Variants in TSPAN2 observed in about 807,000 individuals in gnomAD.
The protein encoded by TSPAN2 is tetraspanin 2, also known as tetraspanin-2.
TSPAN2 carries 24 observed loss-of-function variants against 33.3 expected under a neutral mutation model. That is an observed-to-expected ratio of 0.72 (90% CI 0.52 to 1.01). TSPAN2 has a LOEUF of 1.01. TSPAN2 is among the 50% of genes least tolerant of loss of function. The pLI is 0.00. For synonymous variants in TSPAN2, 114 were observed against 104.5 expected, an observed-to-expected ratio of 1.09 and a Z score of -0.56; for missense variants, 278 against 281.3, an observed-to-expected ratio of 0.99 and a Z score of 0.08.
At chr1:115,059,068 A>C in intron 4 of TSPAN2, 87 bp from the exon 5 acceptor site, 1 of 1,009,074 alleles carries the variant, frequency 9.9e-7, no homozygotes, top group South Asian at 1.3e-5. Flanking sequence ...CCTCTTCCAC[A>C]CCTTTGAAAA....
chr1:115,057,521 C>A lies in TSPAN2; in HGVS notation c.516+16G>T. On this transcript the variant is annotated intron_variant, in intron 6 of 7. Coordinates refer to ENST00000369516, the MANE Select transcript of TSPAN2 (RefSeq NM_005725.6). Reference sequence around the variant, plus strand: ...ATGATACTACAGGTAGAGTAAGAACCTTGGTAGAAGCTTACCTTGTGTCCT... The same window carrying A: ...ATGATACTACAGGTAGAGTAAGAACATTGGTAGAAGCTTACCTTGTGTCCT... 6.2e-7 allele frequency: 1 copy of A among 1,613,262 alleles called. No homozygotes were observed. Among genetic ancestry groups the A allele is most frequent in the Non-Finnish European group, 8.5e-7 (1 of 1,179,254 alleles).
Position 115,089,371 on chromosome 1 carries a change from A to T in TSPAN2, c.62T>A (p.Leu21His), listed in dbSNP as rs1416006620. The T allele has an allele frequency of 6.3e-7, 1 of 1,591,028 alleles. No individual in the cohort carries two copies. The highest frequency in any genetic ancestry group is 2.3e-5 in the East Asian group (1 of 43,446). ...IKYLLLGFNL[L>H]FWLAGSAVIA... ...CCCGGCTCCTGGTCTCACCCAGAAGAGCAGGTTGAAGCCAAGCAGCAGGTA... is the reference window on the plus strand; with the variant it reads ...CCCGGCTCCTGGTCTCACCCAGAAGTGCAGGTTGAAGCCAAGCAGCAGGTA... The change falls in exon 1 of 8, where the codon CTC (leucine) becomes CAC (histidine). Residue 21 changes from leucine (L) to histidine (H), a missense_variant. By Grantham distance (99) the Leu-to-His change is moderately conservative. Transcript: ENST00000369516.
chr1:115,088,096 C>T (rs1009936276), intron 1 of TSPAN2, among the ~76,000 whole-genome samples: 1 of 152,200 alleles, frequency 6.6e-6, no homozygotes, highest in African/African-American at 2.4e-5. Flanking sequence ...TAAATCCCCA[C>T]GTGTACAAAG....
chr1:115,086,859 G>A (rs975575113), intron 1 of TSPAN2, among the ~76,000 whole-genome samples: 5 of 152,176 alleles, frequency 3.3e-5, no homozygotes, highest in African/African-American at 4.8e-5. Context: ...TAGATTGCTG[G>A]ATCCTACCCC....
chr1:115,069,144 G>A (rs964838787), intron 2 of TSPAN2, among the ~76,000 whole-genome samples: 2 of 152,208 alleles, frequency 1.3e-5, no homozygotes, highest in Non-Finnish European at 2.9e-5. Flanking sequence ...TGGGGTGGAC[G>A]AGGAACGAAA....
intron 1 of TSPAN2, among the ~76,000 whole-genome samples, chr1:115,078,456 C>G (rs1394040676): frequency 1.3e-5 from 2 of 152,096 alleles, no homozygotes; most frequent in African/African-American, 4.8e-5. Flanking sequence ...CAGGTTGAGG[C>G]CTAATTCCCA....
intron 1 of TSPAN2, among the ~76,000 whole-genome samples, chr1:115,074,130 C>G (rs938786845): frequency 2.0e-5 from 3 of 152,144 alleles, no homozygotes; most frequent in Non-Finnish European, 2.9e-5. Flanking sequence ...CTTCCCCTGC[C>G]CAAACAGAGC....
chr1:115,067,837 TC>T (rs1237684492), intron 2 of TSPAN2, among the ~76,000 whole-genome samples: 1 of 152,176 alleles, frequency 6.6e-6, no homozygotes, highest in Admixed American at 6.5e-5. Flanking sequence ...TCTCCAGTTT[TC>T]CAAGGGCTGA....
intron 2 of TSPAN2, among the ~76,000 whole-genome samples, chr1:115,063,472 A>G (rs1487205829): frequency 6.6e-6 from 1 of 152,234 alleles, no homozygotes; most frequent in Non-Finnish European, 1.5e-5. Context: ...AATGTTGCGA[A>G]TGTAAATCAG....
rs181678114 is a variant in TSPAN2, at chr1:115,084,617, C to T, written c.69+4747G>A. Among the ~76,000 whole-genome samples, 7 of 152,326 alleles carry T rather than the reference C, an allele frequency of 4.6e-5. No homozygotes were observed. The East Asian group carries it at 1.3e-3, about 29-fold the overall frequency. ...AAAAATCAGAAATGAAGATTCTCCT[C>T]CAGCGAGGCTGAGAACATTCCTATC... On this transcript the variant is annotated intron_variant, in intron 1 of 7. Transcript: ENST00000369516.
At chr1:115,059,528 A>T (rs912584433) in intron 4 of TSPAN2, among the ~76,000 whole-genome samples, 3 of 152,240 alleles carry the variant, frequency 2.0e-5, no homozygotes, top group African/African-American at 7.2e-5. Flanking sequence ...GGACTTATAC[A>T]TTCCTGTTAC....
intron 5 of TSPAN2, chr1:115,058,123 C>A (rs1453430698): frequency 1.9e-5 from 3 of 161,320 alleles, no homozygotes; most frequent in Non-Finnish European, 2.7e-5. Context: ...GACAAAAGAA[C>A]CTGTGTGCTG....
At chr1:115,086,074 C>T (rs1030381120) in intron 1 of TSPAN2, among the ~76,000 whole-genome samples, 3 of 152,068 alleles carry the variant, frequency 2.0e-5, no homozygotes, top group Admixed American at 6.6e-5. Context: ...CTATTCCCCA[C>T]CAAGAAAGGA....
intron 1 of TSPAN2, among the ~76,000 whole-genome samples, chr1:115,073,699 GA>G (rs1273089033): frequency 6.6e-6 from 1 of 151,858 alleles, no homozygotes. Flanking sequence ...AGTGAGAAAG[GA>G]AAAAATAATT....
intron 3 of TSPAN2, among the ~76,000 whole-genome samples, chr1:115,060,893 A>T (rs1041114871): frequency 3.3e-5 from 5 of 152,202 alleles, no homozygotes; most frequent in Admixed American, 6.5e-5. Context: ...CGTGCTTAGT[A>T]AATACTTGAC....
At chr1:115,086,578 C>T (rs1162510403) in intron 1 of TSPAN2, among the ~76,000 whole-genome samples, 1 of 152,192 alleles carries the variant, frequency 6.6e-6, no homozygotes, top group African/African-American at 2.4e-5. Flanking sequence ...GATCTAACCT[C>T]ACTGGTTAAC....
intron 2 of TSPAN2, among the ~76,000 whole-genome samples, chr1:115,069,141 G>A (rs1648061577): frequency 6.6e-6 from 1 of 152,212 alleles, no homozygotes; most frequent in African/African-American, 2.4e-5. Flanking sequence ...AGATGGGGTG[G>A]ACGAGGAACG....
chr1:115,057,507 G>A, intron 6 of TSPAN2, 30 bp downstream of exon 6: 2 of 1,601,198 alleles, frequency 1.2e-6, no homozygotes, highest in Non-Finnish European at 1.7e-6. Context: ...TGATACTACA[G>A]GTAGAGTAAG....
chr1:115,062,463 A>G (rs1410060104), intron 2 of TSPAN2, among the ~76,000 whole-genome samples: 6 of 152,168 alleles, frequency 3.9e-5, no homozygotes, highest in Non-Finnish European at 8.8e-5. Context: ...ATGAGCCTCA[A>G]AAGCCTGCCC....
Sources: allele counts gnomAD v4.1 joint callset (sites outside exome capture counted in the v4.1 genomes callset), GRCh38; gene constraint gnomAD v4.1.1; transcripts MANE v1.5; gene names NCBI Gene and HGNC (gene_info 2026-07-23, HGNC 2026-07-21).